The following PPIP5K2 variants were observed in gnomAD, a reference collection of about 807,000 sequenced individuals.
The protein encoded by PPIP5K2 is inositol hexakisphosphate and diphosphoinositol-pentakisphosphate kinase 2.
PPIP5K2 carries 105 observed loss-of-function variants against 154.6 expected under a neutral mutation model. The observed-to-expected ratio is 0.68, with a 90% CI of 0.58 to 0.80. The LOEUF (loss-of-function observed/expected upper bound fraction) is 0.80, where lower values mean the gene tolerates loss of function less well. PPIP5K2 is among the 30% of genes least tolerant of loss of function. PPIP5K2 has a pLI of 0.00. For missense variants in PPIP5K2, 992 were observed against 1,504.6 expected (o/e 0.66, Z 5.64); for synonymous variants, 480 against 490.3 (o/e 0.98, Z 0.28).
chr5:103,142,301 GC>G (rs1792888555), intron 5 of PPIP5K2, among the ~76,000 whole-genome samples: 1 of 152,186 alleles, frequency 6.6e-6, no homozygotes, highest in African/African-American at 2.4e-5. Context: ...ATTGTCCAGG[GC>G]CAGGCTGGCC....
chr5:103,134,550 G>C (rs142257939), intron 3 of PPIP5K2, among the ~76,000 whole-genome samples: 1 of 152,156 alleles, frequency 6.6e-6, no homozygotes, highest in African/African-American at 2.4e-5. Flanking sequence ...TCAAGACACT[G>C]ATCTTCAAAG....
At chr5:103,168,368 A>C in intron 19 of PPIP5K2, 73 bp downstream of exon 19, 1 of 1,226,330 alleles carries the variant, frequency 8.2e-7, no homozygotes. Flanking sequence ...GGTGGATAAA[A>C]AGGTAGTTGG....
At chr5:103,140,225 G>C (rs1554205951) in intron 5 of PPIP5K2, among the ~76,000 whole-genome samples, 2 of 150,310 alleles carry the variant, frequency 1.3e-5, no homozygotes, top group East Asian at 3.9e-4. Flanking sequence ...AGAGAACATA[G>C]ATCATGGTAG....
chr5:103,197,732 C>T (rs1185494413), intron 30 of PPIP5K2, among the ~76,000 whole-genome samples: 4 of 151,284 alleles, frequency 2.6e-5, no homozygotes, highest in Non-Finnish European at 3.0e-5. Flanking sequence ...ACTGCCACCA[C>T]GCCTGGCTAA....
At chr5:103,199,808 A>G (rs1041816839) in intron 30 of PPIP5K2, among the ~76,000 whole-genome samples, 1 of 151,994 alleles carries the variant, frequency 6.6e-6, no homozygotes, top group Non-Finnish European at 1.5e-5. Context: ...TCTTTTAAAT[A>G]GTTTTTTTGC....
intron 19 of PPIP5K2, among the ~76,000 whole-genome samples, chr5:103,168,629 G>T (rs1797495487): frequency 6.6e-6 from 1 of 151,502 alleles, no homozygotes; most frequent in African/African-American, 2.4e-5. Context: ...CATTATGATT[G>T]TCCCCCACAA....
At chr5:103,134,125 C>T (rs1422578767) in intron 3 of PPIP5K2, among the ~76,000 whole-genome samples, 2 of 152,066 alleles carry the variant, frequency 1.3e-5, no homozygotes, top group African/African-American at 4.8e-5. Context: ...CTTTAAGCCC[C>T]TTTCTATGCT....
intron 24 of PPIP5K2, among the ~76,000 whole-genome samples, chr5:103,180,571 C>T (rs187903730): frequency 7.7e-4 from 117 of 151,770 alleles, no homozygotes; most frequent in African/African-American, 2.8e-3. Context: ...GAGAGCAAGC[C>T]GGGCATGGTG....
At position 103,153,890 on chromosome 5, in the gene PPIP5K2, T is replaced by C; in HGVS notation, c.1173T>C (p.Asp391=). Residue 391 remains aspartate, a synonymous_variant, in exon 11 of 31, where the codon GAT becomes GAC. Coordinates refer to ENST00000358359, the MANE Select transcript of PPIP5K2 (RefSeq NM_001276277.3). ...RCVIAVIRHG[D]RTPKQKMKME... ...TCATAGCTGTTATACGTCATGGGGATCGAACACCAAAACAAAAAATGAAAA... is the reference window on the plus strand; with the variant it reads ...TCATAGCTGTTATACGTCATGGGGACCGAACACCAAAACAAAAAATGAAAA... The C allele has an allele frequency of 1.2e-6, 2 of 1,608,122 alleles. No individual in the cohort carries two copies. Among genetic ancestry groups the C allele is most frequent in the Non-Finnish European group, 1.7e-6 (2 of 1,177,032 alleles).
Position 103,209,825 on chromosome 5 carries a change from G to T in PPIP5K2, c.*8191G>T, listed in dbSNP as rs1803706491. The T allele has an allele frequency of 1.3e-5, 2 of 152,050 alleles. No individual in the cohort carries two copies. The highest frequency in any genetic ancestry group is 2.9e-5 in the Non-Finnish European group (2 of 67,966). 9.4% of individuals were successfully genotyped at this position (152,050 alleles called of 1,614,324 possible). On this transcript the variant is annotated 3_prime_UTR_variant, in exon 31 of 31. Coordinates refer to ENST00000358359, the MANE Select transcript of PPIP5K2 (RefSeq NM_001276277.3). ...AGGAGGGGTGAGACAGAGAACAAAAGAACACAGGCTCTACTGTTAACAAAA... is the reference window on the plus strand; with the variant it reads ...AGGAGGGGTGAGACAGAGAACAAAATAACACAGGCTCTACTGTTAACAAAA...
At position 103,205,916 on chromosome 5, in the gene PPIP5K2, T is replaced by A. The variant is rs1305620870; in HGVS notation, c.*4282T>A. ...ACTTTTTGGTATTTGTGTCACTTTG[T>A]TTTAGGTTATTTAATATAGTATATA... On this transcript the variant is annotated 3_prime_UTR_variant, in exon 31 of 31. Transcript: ENST00000358359. 2 of 152,174 alleles carry A rather than the reference T, an allele frequency of 1.3e-5. No individual in the cohort carries two copies. Among genetic ancestry groups the A allele is most frequent in the Non-Finnish European group, 2.9e-5 (2 of 68,036 alleles). The allele number at this position is 152,174 out of a possible 1,614,324, so 9.4% of individuals were successfully genotyped here. A position where few individuals can be genotyped will look rare whatever the true frequency, so the allele number is the denominator to read the frequency against.
At chr5:103,176,467 A>G (rs549969313) in intron 21 of PPIP5K2, among the ~76,000 whole-genome samples, 1 of 152,152 alleles carries the variant, frequency 6.6e-6, no homozygotes, top group East Asian at 1.9e-4. Context: ...ACTTGCACAC[A>G]TGCATGTGCG....
intron 8 of PPIP5K2, 104 bp from the exon 9 acceptor site, chr5:103,151,149 A>G: frequency 5.5e-6 from 5 of 912,100 alleles, no homozygotes; most frequent in Non-Finnish European, 6.3e-6. Flanking sequence ...ATAGTAATAT[A>G]CTTTTAAGCA....
chr5:103,173,662 C>G (rs1562468455), intron 20 of PPIP5K2, among the ~76,000 whole-genome samples, 196 bp from the exon 21 acceptor site: 1 of 151,806 alleles, frequency 6.6e-6, no homozygotes, highest in Non-Finnish European at 1.5e-5. Flanking sequence ...TCTCAGAGGT[C>G]CTAGTTAGTT....
intron 30 of PPIP5K2, among the ~76,000 whole-genome samples, chr5:103,198,349 T>C (rs1438194092): frequency 1.3e-5 from 2 of 151,626 alleles, no homozygotes; most frequent in Non-Finnish European, 2.9e-5. Flanking sequence ...GTTTATCTTA[T>C]AGTTCATTGA....
chr5:103,189,186 G>A (rs1349443233), intron 28 of PPIP5K2: 15 of 1,531,004 alleles, frequency 9.8e-6, no homozygotes, highest in African/African-American at 1.4e-5. Flanking sequence ...ACCTCTATAG[G>A]TGCTGGTCCG....
rs934697653 is a variant in PPIP5K2, at chr5:103,167,979, A to G, written c.2063-93A>G. ...CTAACTTCATACAGTTGTATTTTTGACACTTTAAAAAGTTTCTAATTATTA... is the reference window on the plus strand; with the variant it reads ...CTAACTTCATACAGTTGTATTTTTGGCACTTTAAAAAGTTTCTAATTATTA... On this transcript the variant is annotated intron_variant, in intron 18 of 30. Transcript: ENST00000358359. The G allele has an allele frequency of 3.9e-6, 3 of 767,532 alleles. No individual in the cohort carries two copies. In the Admixed American group the frequency reaches 9.1e-5, roughly 23 times the overall value. The allele number at this position is 767,532 out of a possible 1,614,324, so 47.5% of individuals were successfully genotyped here.
rs148779323 is a variant in PPIP5K2, at chr5:103,209,960, C to A, written c.*8326C>A. 1 of 152,082 alleles carries A rather than the reference C, an allele frequency of 6.6e-6. No individual in the cohort carries two copies. Among genetic ancestry groups the A allele is most frequent in the Non-Finnish European group, 1.5e-5 (1 of 68,004 alleles). 9.4% of individuals were successfully genotyped at this position (152,082 alleles called of 1,614,324 possible). ...TCCAACAATGCCTGTACTCAAAAGT[C>A]ATGACAATAAAATGAGACCTGGGAG... On this transcript the variant is annotated 3_prime_UTR_variant, in exon 31 of 31. Coordinates refer to ENST00000358359, the MANE Select transcript of PPIP5K2 (RefSeq NM_001276277.3).
At chr5:103,122,750 G>C (rs1788980581) in intron 1 of PPIP5K2, among the ~76,000 whole-genome samples, 1 of 152,154 alleles carries the variant, frequency 6.6e-6, no homozygotes. Context: ...CTGATTTTGA[G>C]AGCAGAGATT....
Sources: allele counts gnomAD v4.1 joint callset (sites outside exome capture counted in the v4.1 genomes callset), GRCh38; gene constraint gnomAD v4.1.1; transcripts MANE v1.5; gene names NCBI Gene and HGNC (gene_info 2026-07-23, HGNC 2026-07-21).